NEO1: variants seen among roughly 807,000 people sequenced by gnomAD.
The protein encoded by NEO1 is neogenin.
Under a neutral mutation model 159.7 loss-of-function variants are expected in NEO1, and 63 were observed. The ratio of observed to expected loss-of-function variants is 0.39; its 90% CI spans 0.32 to 0.49. The LOEUF is 0.49. NEO1 is among the 20% of genes least tolerant of loss of function. The pLI is 0.85. For synonymous variants in NEO1, 633 were observed against 662.0 expected, an observed-to-expected ratio of 0.96 and a Z score of 0.67; for missense variants, 1,615 against 1,831.0, an observed-to-expected ratio of 0.88 and a Z score of 2.15.
rs368957220 is a variant in NEO1, at chr15:73,288,304, C to G, written c.3411-9C>G. ...ACTTTTTAAAAGCTCCTCTGAACTT[C>G]GTGCCTAGGAAACGAGCTGCCTGCA... On this transcript the variant is annotated splice_polypyrimidine_tract_variant and intron_variant, in intron 23 of 28. Coordinates refer to ENST00000261908, the MANE Select transcript of NEO1 (RefSeq NM_002499.4). The G allele has an allele frequency of 5.0e-6, 8 of 1,607,938 alleles. No homozygotes were observed. The South Asian group carries it at 7.7e-5, about 15-fold the overall frequency.
intron 1 of NEO1, among the ~76,000 whole-genome samples, chr15:73,070,032 A>G (rs1000630720): frequency 1.3e-5 from 2 of 152,196 alleles, no homozygotes; most frequent in African/African-American, 2.4e-5. Flanking sequence ...TAGCTTCAAT[A>G]TGTTGGCATG....
At chr15:73,263,023 G>T (rs2040697178) in intron 15 of NEO1, among the ~76,000 whole-genome samples, 1 of 152,066 alleles carries the variant, frequency 6.6e-6, no homozygotes, top group South Asian at 2.1e-4. Flanking sequence ...GGAACCAGGG[G>T]TGTTAGGAAT....
intron 5 of NEO1, among the ~76,000 whole-genome samples, chr15:73,154,574 T>G (rs1253441857): frequency 6.6e-6 from 1 of 152,232 alleles, no homozygotes; most frequent in Non-Finnish European, 1.5e-5. Context: ...CTCCCACAAA[T>G]AAGTGAGAAC....
rs537735808 is a variant in NEO1, at chr15:73,126,484, G to C, written c.792G>C (p.Gln264His). The C allele has an allele frequency of 6.2e-7, 1 of 1,613,652 alleles. No individual in the cohort carries two copies. The highest frequency in any genetic ancestry group is 8.5e-7 in the Non-Finnish European group (1 of 1,179,932). ...CTCCCTTAGTCAGAGTCATTGGTCA[G>C]GATGTAGTGTTGCCATGTGTTGCTT... is the stretch of plus-strand genomic sequence containing the variant. ...QPSPLVRVIG[Q>H]DVVLPCVASG... is the part of the protein sequence containing the mutation. Residue 264 changes from glutamine to histidine, a missense_variant, in exon 4 of 29, where the codon CAG (glutamine) becomes CAC (histidine). Gln to His is a conservative substitution (Grantham distance 24). This residue lies in a region of NEO1 where 1,018 missense variants were observed against 1,115.4 expected (regional missense o/e 0.91). Coordinates refer to ENST00000261908, the MANE Select transcript of NEO1 (RefSeq NM_002499.4).
chr15:73,300,009 T>A (rs772558770), intron 27 of NEO1: 1 of 152,258 alleles, frequency 6.6e-6, no homozygotes, highest in Admixed American at 6.5e-5. Flanking sequence ...CTATGAAATA[T>A]TCATACTTCA....
At chr15:73,206,642 A>T (rs988578247) in intron 7 of NEO1, among the ~76,000 whole-genome samples, 2 of 151,824 alleles carry the variant, frequency 1.3e-5, no homozygotes, top group African/African-American at 4.8e-5. Flanking sequence ...GTATTTTCTC[A>T]TGTCCTTTAC....
chr15:73,186,470 G>A (rs960317707), intron 7 of NEO1, among the ~76,000 whole-genome samples: 2 of 152,078 alleles, frequency 1.3e-5, no homozygotes, highest in Non-Finnish European at 2.9e-5. Context: ...AAATGTGAAA[G>A]GAGAAAAACA....
At chr15:73,101,020 T>G (rs2070374426) in intron 1 of NEO1, among the ~76,000 whole-genome samples, 1 of 152,252 alleles carries the variant, frequency 6.6e-6, no homozygotes, top group Admixed American at 6.5e-5. Flanking sequence ...TTCTTCTTTC[T>G]TGTTACAAGA....
intron 22 of NEO1, among the ~76,000 whole-genome samples, chr15:73,281,049 C>CA (rs905261228): frequency 1.0e-4 from 15 of 148,902 alleles, no homozygotes; most frequent in African/African-American, 3.4e-4. Flanking sequence ...ACTAAAAATA[C>CA]AAAAAAAAAT....
chr15:73,207,850 A>G (rs920688927), intron 7 of NEO1, among the ~76,000 whole-genome samples: 1 of 152,170 alleles, frequency 6.6e-6, no homozygotes, highest in African/African-American at 2.4e-5. Flanking sequence ...TTTAAATATG[A>G]TTAAAGGATC....
chr15:73,078,707 C>T (rs2068896692), intron 1 of NEO1, among the ~76,000 whole-genome samples: 1 of 152,200 alleles, frequency 6.6e-6, no homozygotes, highest in Non-Finnish European at 1.5e-5. Flanking sequence ...TTGTATCTTT[C>T]TGCAGATCTC....
intron 24 of NEO1, 43 bp from the exon 25 acceptor site, chr15:73,289,103 A>T: frequency 6.5e-7 from 1 of 1,536,734 alleles, no homozygotes; most frequent in Non-Finnish European, 9.0e-7. Context: ...GCTCAGTGGC[A>T]TAGGGCACAT....
chr15:73,271,898 C>T (rs1344646387), intron 18 of NEO1, among the ~76,000 whole-genome samples: 1 of 100,690 alleles, frequency 9.9e-6, no homozygotes, highest in East Asian at 3.0e-4. Context: ...CAGAGCTAGA[C>T]TCCATCTCAA....
upstream of NEO1, among the ~76,000 whole-genome samples, chr15:73,052,147 G>A (rs1055817797): frequency 6.7e-6 from 1 of 149,570 alleles, no homozygotes; most frequent in Non-Finnish European, 1.5e-5. Context: ...CCCCGCACCC[G>A]TCAGCGGCTC....
At chr15:73,133,592 T>C (rs902403022) in intron 4 of NEO1, among the ~76,000 whole-genome samples, 1 of 152,182 alleles carries the variant, frequency 6.6e-6, no homozygotes, top group Admixed American at 6.5e-5. Context: ...AAAATAAAAG[T>C]TCTCCTTAGC....
rs767199347 is a variant in NEO1, at chr15:73,258,892, G to A, written c.2203+16G>A. ...GACCTAGATGGTAAGAATAACAATTGGCAAGACTGGAACACAATAGATACT... is the reference window on the plus strand; with the variant it reads ...GACCTAGATGGTAAGAATAACAATTAGCAAGACTGGAACACAATAGATACT... On this transcript the variant is annotated intron_variant, in intron 14 of 28. Coordinates refer to ENST00000261908, the MANE Select transcript of NEO1 (RefSeq NM_002499.4). 6 of 1,600,964 alleles carry A rather than the reference G, an allele frequency of 3.7e-6. No individual in the cohort carries two copies. Among genetic ancestry groups the A allele is most frequent in the Non-Finnish European group, 5.1e-6 (6 of 1,168,392 alleles).
At chr15:73,142,747 GTGCGTCAGATC>G in intron 5 of NEO1, among the ~76,000 whole-genome samples, 1 of 152,300 alleles carries the variant, frequency 6.6e-6, no homozygotes, top group African/African-American at 2.4e-5. Context: ...GCCCTCAAGA[GTGCGTCAGATC>G]TGCTATGGCT....
At chr15:73,258,400 T>A (rs2040466209) in intron 13 of NEO1, among the ~76,000 whole-genome samples, 1 of 152,226 alleles carries the variant, frequency 6.6e-6, no homozygotes, top group Admixed American at 6.5e-5. Flanking sequence ...GTTCCTTTTT[T>A]ATAACTCTTT....
rs552309184 is a variant in NEO1, at chr15:73,274,064, A to G, written c.3160+59A>G. 232 of 1,484,034 alleles carry G rather than the reference A, an allele frequency of 1.6e-4. 1 individual carries two copies. In the African/African-American group the frequency reaches 3.0e-3, roughly 19 times the overall value. 91.9% of individuals were successfully genotyped at this position (1,484,034 alleles called of 1,614,324 possible). ...GTCTCTTTAGTGGGGCTATGCTGAC[A>G]CTATCACTTGAGCATATAGAGTCTG... On this transcript the variant is annotated intron_variant, in intron 20 of 28. Coordinates refer to ENST00000261908, the MANE Select transcript of NEO1 (RefSeq NM_002499.4).
Sources: allele counts gnomAD v4.1 joint callset (sites outside exome capture counted in the v4.1 genomes callset), GRCh38; gene constraint gnomAD v4.1.1; regional missense constraint gnomAD v4.1.1; transcripts MANE v1.5; gene names NCBI Gene and HGNC (gene_info 2026-07-23, HGNC 2026-07-21).